ROBO2: variants seen among roughly 807,000 people sequenced by gnomAD.
ROBO2 encodes roundabout guidance receptor 2, also known as roundabout homolog 2.
In ROBO2, 53 loss-of-function variants were observed where a neutral mutation model predicts 160.8. That is an observed-to-expected ratio of 0.33 (90% CI 0.26 to 0.41). ROBO2 has a LOEUF of 0.41. ROBO2 is among the 10% of genes least tolerant of loss of function. ROBO2 has a pLI of 1.00. For missense variants in ROBO2, 1,577 were observed against 1,722.4 expected (o/e 0.92, Z 1.49); for synonymous variants, 664 against 611.7 (o/e 1.09, Z -1.26).
intron 2 of ROBO2, among the ~76,000 whole-genome samples, chr3:76,149,976 G>C (rs2072102354): frequency 6.9e-6 from 1 of 144,736 alleles, no homozygotes; most frequent in Non-Finnish European, 1.5e-5. Context: ...TATGTCTAAA[G>C]CACACATCTG....
At chr3:77,539,684 G>GA (rs1217607092) in intron 6 of ROBO2, among the ~76,000 whole-genome samples, 7 of 152,004 alleles carry the variant, frequency 4.6e-5, no homozygotes, top group Admixed American at 6.6e-5. Context: ...TTTTCTAGGT[G>GA]AAAAAAATAT....
chr3:76,816,277 G>T (rs2065657700), intron 2 of ROBO2, among the ~76,000 whole-genome samples: 1 of 152,002 alleles, frequency 6.6e-6, no homozygotes, highest in Non-Finnish European at 1.5e-5. Flanking sequence ...AAAGAAGAAT[G>T]CAATATGAAG....
intron 2 of ROBO2, among the ~76,000 whole-genome samples, chr3:76,489,975 A>G (rs1325376535): frequency 2.6e-5 from 4 of 152,166 alleles, no homozygotes; most frequent in Non-Finnish European, 4.4e-5. Context: ...TCAAAAATAA[A>G]ACAAAAGTGT....
chr3:77,065,290 A>G (rs888174122), intron 1 of ROBO2, among the ~76,000 whole-genome samples: 2 of 152,234 alleles, frequency 1.3e-5, no homozygotes, highest in Admixed American at 1.3e-4. Context: ...CAGATTCTTA[A>G]TAAACAGAAG....
chr3:77,023,255 A>G (rs1245923466), intron 2 of ROBO2, among the ~76,000 whole-genome samples: 1 of 152,094 alleles, frequency 6.6e-6, no homozygotes, highest in Admixed American at 6.6e-5. Flanking sequence ...GCCACCATGT[A>G]AGTAGTGCCT....
At chr3:76,699,199 T>C (rs1298942510) in intron 2 of ROBO2, among the ~76,000 whole-genome samples, 2 of 152,236 alleles carry the variant, frequency 1.3e-5, no homozygotes, top group African/African-American at 4.8e-5. Context: ...TGAGATCTTT[T>C]CCGACCTCTA....
intron 2 of ROBO2, among the ~76,000 whole-genome samples, chr3:76,343,668 A>G (rs1233005636): frequency 6.6e-6 from 1 of 151,958 alleles, no homozygotes; most frequent in Non-Finnish European, 1.5e-5. Context: ...GCAAGACATA[A>G]ATCAGGAAAT....
At chr3:77,046,623 A>G (rs2064697278) in intron 1 of ROBO2, among the ~76,000 whole-genome samples, 1 of 152,184 alleles carries the variant, frequency 6.6e-6, no homozygotes, top group South Asian at 2.1e-4. Context: ...TAGAGCAGAA[A>G]CTAGACTCCA....
intron 2 of ROBO2, among the ~76,000 whole-genome samples, chr3:77,001,851 C>A (rs2061350284): frequency 6.6e-6 from 1 of 152,062 alleles, no homozygotes; most frequent in Non-Finnish European, 1.5e-5. Context: ...TGTGTGTGAC[C>A]ATCTGCTTAG....
chr3:75,957,756 G>T (rs568014246), intron 2 of ROBO2, among the ~76,000 whole-genome samples: 1 of 149,460 alleles, frequency 6.7e-6, no homozygotes, highest in African/African-American at 2.5e-5. Context: ...GTTGTCTTTT[G>T]TCTTTGTCCT....
chr3:77,540,160 C>T (rs2153642772), intron 6 of ROBO2, among the ~76,000 whole-genome samples: 1 of 152,150 alleles, frequency 6.6e-6, no homozygotes, highest in South Asian at 2.1e-4. Context: ...AGGAAGTGTG[C>T]TTAAGAAAGG....
intron 2 of ROBO2, among the ~76,000 whole-genome samples, chr3:76,856,681 C>A (rs1026189511): frequency 6.6e-5 from 10 of 152,288 alleles, no homozygotes; most frequent in South Asian, 6.2e-4. Flanking sequence ...TCATTCCCAA[C>A]AAGTTCTCAG....
chr3:77,060,500 A>G (rs1291756316), intron 1 of ROBO2, among the ~76,000 whole-genome samples: 1 of 152,186 alleles, frequency 6.6e-6, no homozygotes, highest in Non-Finnish European at 1.5e-5. Context: ...ATTTCATAAG[A>G]CACTAAACAC....
chr3:77,448,412 G>C (rs538326023), intron 2 of ROBO2, among the ~76,000 whole-genome samples: 99 of 152,274 alleles, frequency 6.5e-4, no homozygotes, highest in Non-Finnish European at 1.3e-3. Context: ...GACTGTAGAT[G>C]AATCAGTGTC....
At chr3:77,319,275 A>G (rs147935841) in intron 2 of ROBO2, among the ~76,000 whole-genome samples, 79 of 152,324 alleles carry the variant, frequency 5.2e-4, no homozygotes, top group African/African-American at 1.9e-3. Context: ...CTTTGGATAA[A>G]GAATTAATCA....
At chr3:76,093,308 G>A (rs1227450894) in intron 2 of ROBO2, among the ~76,000 whole-genome samples, 2 of 151,432 alleles carry the variant, frequency 1.3e-5, no homozygotes, top group Non-Finnish European at 2.9e-5. Flanking sequence ...TCTATAACAA[G>A]TAGACATTAA....
chr3:76,172,538 C>T (rs544889757), intron 2 of ROBO2, among the ~76,000 whole-genome samples: 59 of 151,732 alleles, frequency 3.9e-4, no homozygotes, highest in Middle Eastern at 3.4e-3. Context: ...GACAAACCAA[C>T]GCTCTTCACA....
intron 2 of ROBO2, among the ~76,000 whole-genome samples, chr3:76,541,489 C>A (rs1362789562): frequency 6.6e-6 from 1 of 152,046 alleles, no homozygotes; most frequent in Non-Finnish European, 1.5e-5. Flanking sequence ...ATTGTTATTT[C>A]ATGTGTGTGT....
intron 2 of ROBO2, among the ~76,000 whole-genome samples, chr3:76,215,964 A>G (rs1430519566): frequency 2.6e-5 from 4 of 152,202 alleles, no homozygotes; most frequent in African/African-American, 7.2e-5. Flanking sequence ...CTGATCTCTC[A>G]GCAGAAACTC....
Sources: gnomAD v4.1 joint callset for allele counts (sites outside exome capture counted in the v4.1 genomes callset) on GRCh38, gnomAD v4.1.1 for gene constraint, MANE v1.5 for transcripts, NCBI Gene and HGNC (gene_info 2026-07-23, HGNC 2026-07-21) for gene names.